OCRL: variants seen among roughly 807,000 people sequenced by gnomAD.
The protein encoded by OCRL is OCRL inositol polyphosphate-5-phosphatase, also known as inositol polyphosphate 5-phosphatase OCRL.
OCRL carries 8 observed loss-of-function variants against 78.9 expected under a neutral mutation model. The observed-to-expected ratio is 0.10, with a 90% confidence interval of 0.06 to 0.18. OCRL has a LOEUF of 0.18. Among genes scored for constraint, OCRL ranks in the 10% least tolerant of loss-of-function variants. The pLI, the probability that OCRL is intolerant of heterozygous loss-of-function variation, is 1.00. For missense variants in OCRL, 454 were observed against 696.7 expected (o/e 0.65, Z 3.92); for synonymous variants, 240 against 235.4 (o/e 1.02, Z -0.18).
intron 4 of OCRL, among the ~76,000 whole-genome samples, chrX:129,552,097 G>A (rs989460033): frequency 8.9e-6 from 1 of 112,007 alleles, no homozygotes; most frequent in East Asian, 2.8e-4. Flanking sequence ...AATGAGAATC[G>A]TATGAAGGAT....
intron 20 of OCRL, among the ~76,000 whole-genome samples, chrX:129,587,924 G>A (rs1175372089): frequency 9.0e-6 from 1 of 111,032 alleles, no homozygotes; most frequent in African/African-American, 3.3e-5. Flanking sequence ...TCCTGCTCTA[G>A]CCATCTAGTC....
intron 19 of OCRL, 178 bp from the exon 20 acceptor site, chrX:129,586,824 A>G (rs1368534945): frequency 7.2e-6 from 4 of 553,481 alleles, no homozygotes; most frequent in East Asian, 3.3e-5. Context: ...TCCTTTAACT[A>G]TGGGACTCGC....
chrX:129,586,833 G>A (rs373794006), intron 19 of OCRL, 169 bp from the exon 20 acceptor site: 4 of 556,710 alleles, frequency 7.2e-6, no homozygotes, highest in Non-Finnish European at 9.9e-6. Flanking sequence ...TATGGGACTC[G>A]CTATCAAGTG....
In OCRL at chrX:129,565,847, T is replaced by G. The variant is rs761140161; in HGVS notation, c.1320T>G (p.Asn440Lys). ...PDANEVKSLI[N>K]KKDLQRLLKF... ...CCAATGAGGTGAAAAGTCTTATTAA[T>G]AAGAAAGACCTTCAGAGACTCTTGA... is the stretch of plus-strand genomic sequence containing the variant. Residue 440 changes from asparagine (N) to lysine (K), a missense_variant, in exon 13 of 24, where the codon AAT becomes AAG. Physicochemically the swap from Asn to Lys is moderately conservative, Grantham distance 94. Transcript: ENST00000371113. 3.3e-6 allele frequency: 4 copies of G among 1,205,170 alleles called. No homozygotes were observed. In the Admixed American group the frequency reaches 8.7e-5, roughly 26 times the overall value.
chrX:129,584,652 G>C (rs970021163), intron 19 of OCRL, among the ~76,000 whole-genome samples: 1 of 112,226 alleles, frequency 8.9e-6, no homozygotes, highest in East Asian at 2.8e-4. Context: ...TGATGTATCT[G>C]AATGCTCATG....
chrX:129,587,812 A>G (rs1255294113), intron 20 of OCRL, among the ~76,000 whole-genome samples: 1 of 108,697 alleles, frequency 9.2e-6, no homozygotes, highest in East Asian at 2.9e-4. Flanking sequence ...AGACGGGCGC[A>G]TTGCTTGAGC....
At chrX:129,569,223 G>A (rs1939119577) in intron 14 of OCRL, 41 bp from the exon 15 acceptor site, 1 of 1,200,610 alleles carries the variant, frequency 8.3e-7, no homozygotes, top group Non-Finnish European at 1.1e-6. Context: ...TTATGTTCTT[G>A]TGTGATATGT....
At position 129,576,298 on chromosome X, in the gene OCRL, A is replaced by G; in HGVS notation, c.1880-19A>G. The stretch of plus-strand genomic sequence containing the variant: ...ACTGGAGGTTTTCCTATTACCATGT[A>G]TCATCTCTTACATTTCAGATGAGAC... On this transcript the variant is annotated intron_variant, in intron 17 of 23. Transcript: ENST00000371113. 9 of 1,167,488 alleles carry G rather than the reference A, an allele frequency of 7.7e-6. No individual in the cohort carries two copies. Among genetic ancestry groups the G allele is most frequent in the Non-Finnish European group, 9.4e-6 (8 of 855,072 alleles).
intron 15 of OCRL, among the ~76,000 whole-genome samples, chrX:129,571,731 T>G (rs761093158): frequency 6.3e-5 from 7 of 111,773 alleles, no homozygotes; most frequent in African/African-American, 9.8e-5. Context: ...ATGTATATCT[T>G]TAATAAAGAT....
At chrX:129,572,991 G>A (rs980460268) in intron 15 of OCRL, among the ~76,000 whole-genome samples, 14 of 111,946 alleles carry the variant, frequency 1.3e-4, no homozygotes, top group African/African-American at 4.5e-4. Context: ...AGCCTTCCAG[G>A]TTGTGAAAAT....
intron 14 of OCRL, 104 bp downstream of exon 14, chrX:129,567,467 C>G (rs1219478931): frequency 1.9e-6 from 1 of 539,857 alleles, no homozygotes; most frequent in African/African-American, 2.3e-5. Context: ...ATGCCATAAG[C>G]AGATATATAA....
Position 129,540,975 on chromosome X carries a change from G to A in OCRL, c.119+152G>A, listed in dbSNP as rs1311984604. On this transcript the variant is annotated intron_variant, in intron 2 of 23. Transcript: ENST00000371113. ...AAGTGCCAGTGCTCTCTAACCTCGG[G>A]GCTTTGTCCCCAACTTCCAAGCCTC... 3 of 511,524 alleles carry A rather than the reference G, an allele frequency of 5.9e-6. No homozygotes were observed. The African/African-American group carries it at 7.0e-5, about 12-fold the overall frequency. The allele number at this position is 511,524 out of a possible 1,213,427, so 42.2% of individuals were successfully genotyped here.
In OCRL at chrX:129,583,232, G is replaced by C. The variant is rs139105018; in HGVS notation, c.2116-1112G>C. On this transcript the variant is annotated intron_variant, in intron 18 of 23. Transcript: ENST00000371113. ...TTGTACCCAAGCCTGTCCAACACCA[G>C]TGCCTATACTCTTTCCATTAACCAC... is the stretch of plus-strand genomic sequence containing the variant. Among the ~76,000 whole-genome samples the C allele has an allele frequency of 7.8e-3, 879 of 112,227 alleles. 8 individuals carry two copies. The highest frequency in any genetic ancestry group is 0.012 in the Non-Finnish European group (633 of 53,244).
chrX:129,574,847 G>A (rs1037732196), intron 15 of OCRL, among the ~76,000 whole-genome samples: 4 of 112,252 alleles, frequency 3.6e-5, no homozygotes, highest in African/African-American at 9.7e-5. Flanking sequence ...ACCTTAAAGC[G>A]TGTGCTTCTA....
Position 129,584,335 on chromosome X carries a change from C to T in OCRL, c.2116-9C>T, listed in dbSNP as rs145297701. ...TGTCAATGACTTTCTTTTCCTGCTC[C>T]GCTCTCAGGAAGAAGACAGCTTCCT... On this transcript the variant is annotated splice_polypyrimidine_tract_variant and intron_variant, in intron 18 of 23. Coordinates refer to ENST00000371113, the MANE Select transcript of OCRL (RefSeq NM_000276.4). 3.3e-4 allele frequency: 396 copies of T among 1,204,208 alleles called. No individual in the cohort carries two copies. The African/African-American group carries it at 5.9e-3, about 18-fold the overall frequency.
chrX:129,544,189 C>T (rs753570349), intron 2 of OCRL, among the ~76,000 whole-genome samples: 2 of 111,361 alleles, frequency 1.8e-5, no homozygotes, highest in South Asian at 3.8e-4. Context: ...ACCAGTAGGT[C>T]GTACCTTGAT....
chrX:129,547,524 CA>C (rs1177506776), intron 3 of OCRL, among the ~76,000 whole-genome samples: 118 of 34,981 alleles, frequency 3.4e-3, no homozygotes, highest in Middle Eastern at 0.018. Flanking sequence ...GACTCCGTCT[CA>C]AAAAAAAAAA....
intron 13 of OCRL, among the ~76,000 whole-genome samples, chrX:129,566,386 T>C (rs937104154): frequency 8.9e-6 from 1 of 112,483 alleles, no homozygotes. Flanking sequence ...TCATGGGAAC[T>C]AGATGATAAG....
At chrX:129,557,560 T>C in intron 5 of OCRL, 125 bp downstream of exon 5, 1 of 654,390 alleles carries the variant, frequency 1.5e-6, no homozygotes, top group Non-Finnish European at 2.4e-6. Context: ...AGCTGATTTT[T>C]TTTTCTTCAG....
Sources: allele counts gnomAD v4.1 joint callset (sites outside exome capture counted in the v4.1 genomes callset), GRCh38; gene constraint gnomAD v4.1.1; transcripts MANE v1.5; gene names NCBI Gene and HGNC (gene_info 2026-07-23, HGNC 2026-07-21).